MGAT4C: variants seen among roughly 807,000 people sequenced by gnomAD.
The protein encoded by MGAT4C is MGAT4 family member C.
In MGAT4C, 19 loss-of-function variants were observed where a neutral mutation model predicts 40.1. The observed-to-expected ratio is 0.47, with a 90% CI of 0.33 to 0.70. The LOEUF (loss-of-function observed/expected upper bound fraction) is 0.70. Ranked by LOEUF, MGAT4C falls within the 30% of genes least tolerant of loss-of-function variation. The pLI, the probability that MGAT4C is intolerant of heterozygous loss-of-function variation, is 0.02. For synonymous variants in MGAT4C, 181 were observed against 187.1 expected (o/e 0.97, Z 0.27); for missense variants, 491 against 563.2 (o/e 0.87, Z 1.30).
intron 2 of MGAT4C, among the ~76,000 whole-genome samples, chr12:86,439,623 C>G (rs997456521): frequency 6.6e-6 from 1 of 151,710 alleles, no homozygotes; most frequent in Non-Finnish European, 1.5e-5. Context: ...ACAACAACAA[C>G]AAAGATCAGA....
chr12:86,167,023 T>C (rs1886266387), intron 1 of MGAT4C, among the ~76,000 whole-genome samples: 2 of 152,190 alleles, frequency 1.3e-5, no homozygotes, highest in South Asian at 4.1e-4. Flanking sequence ...TTATCTCATA[T>C]ACTTTAGTTC....
At chr12:86,067,270 G>T (rs1284011030) in intron 1 of MGAT4C, among the ~76,000 whole-genome samples, 5 of 152,156 alleles carry the variant, frequency 3.3e-5, no homozygotes, top group Non-Finnish European at 5.9e-5. Context: ...AATGTTTATT[G>T]TGGCACTTTT....
At chr12:86,464,818 T>C (rs1006788156) in intron 2 of MGAT4C, among the ~76,000 whole-genome samples, 1 of 152,056 alleles carries the variant, frequency 6.6e-6, no homozygotes, top group African/African-American at 2.4e-5. Context: ...TATTGAATAC[T>C]AATATCATTT....
Position 86,325,883 on chromosome 12 carries a change from GAA to G in MGAT4C, c.-57+8180_-57+8181del, listed in dbSNP as rs66524535. Among the ~76,000 whole-genome samples the G allele has an allele frequency of 1.7e-4, 26 of 149,412 alleles. No homozygotes were observed. In the East Asian group the frequency reaches 2.4e-3, roughly 14 times the overall value. ...CAGACTGAGACCCTGTCTCCAAAAA[GAA>G]AAAAAAAAATAATAATGCTTGACAC... On this transcript the variant is annotated intron_variant, in intron 4 of 7. Transcript: ENST00000548651.
At chr12:86,828,139 T>C (rs570949512) in intron 1 of MGAT4C, among the ~76,000 whole-genome samples, 1 of 151,012 alleles carries the variant, frequency 6.6e-6, no homozygotes, top group Non-Finnish European at 1.5e-5. Context: ...AAATGTAAAA[T>C]CTGTTATGAA....
At chr12:86,823,463 A>C (rs1323690294) in intron 1 of MGAT4C, among the ~76,000 whole-genome samples, 1 of 151,268 alleles carries the variant, frequency 6.6e-6, no homozygotes, top group Admixed American at 6.6e-5. Flanking sequence ...TACGGAAAAA[A>C]AATTAACAGA....
At chr12:86,537,879 G>A (rs975348494) in intron 2 of MGAT4C, among the ~76,000 whole-genome samples, 2 of 152,052 alleles carry the variant, frequency 1.3e-5, no homozygotes, top group Non-Finnish European at 2.9e-5. Flanking sequence ...CTCAGCTCAG[G>A]AGTTCAAGAC....
At chr12:86,153,006 T>C (rs1884486349) in intron 1 of MGAT4C, among the ~76,000 whole-genome samples, 1 of 152,184 alleles carries the variant, frequency 6.6e-6, no homozygotes, top group African/African-American at 2.4e-5. Context: ...ACCCTGATCC[T>C]GATAGTACAA....
chr12:86,747,586 G>A (rs1157039873), intron 1 of MGAT4C, among the ~76,000 whole-genome samples: 1 of 151,494 alleles, frequency 6.6e-6, no homozygotes, highest in African/African-American at 2.4e-5. Flanking sequence ...TGTTAACAAA[G>A]GTTTTAGGGC....
chr12:86,280,300 C>T (rs7953196), intron 4 of MGAT4C, among the ~76,000 whole-genome samples: 98,083 of 151,740 alleles, frequency 0.65, 32,647 homozygotes, highest in South Asian at 0.78. Context: ...ATAATATTTG[C>T]TTCATATATC....
intron 3 of MGAT4C, among the ~76,000 whole-genome samples, chr12:86,390,388 T>C (rs995990330): frequency 1.3e-5 from 2 of 152,232 alleles, no homozygotes; most frequent in South Asian, 2.1e-4. Context: ...TCTAATATTT[T>C]GTATATCACT....
chr12:86,133,273 TAG>T (rs1881495814), intron 1 of MGAT4C, among the ~76,000 whole-genome samples: 1 of 152,208 alleles, frequency 6.6e-6, no homozygotes, highest in South Asian at 2.1e-4. Context: ...GTTTAGAGCG[TAG>T]AGAGTGGGAA....
intron 1 of MGAT4C, among the ~76,000 whole-genome samples, chr12:86,060,119 A>G (rs1012159612): frequency 6.6e-6 from 1 of 152,224 alleles, no homozygotes; most frequent in Non-Finnish European, 1.5e-5. Context: ...AAAAAAGTGA[A>G]GAACTTGGGG....
At chr12:86,785,899 G>A (rs1205170096) in intron 1 of MGAT4C, among the ~76,000 whole-genome samples, 1 of 151,822 alleles carries the variant, frequency 6.6e-6, no homozygotes, top group Non-Finnish European at 1.5e-5. Context: ...AATGTCCAAA[G>A]AAACATTCCA....
At chr12:86,455,941 T>C (rs1325828700) in intron 2 of MGAT4C, among the ~76,000 whole-genome samples, 1 of 152,074 alleles carries the variant, frequency 6.6e-6, no homozygotes, top group Non-Finnish European at 1.5e-5. Flanking sequence ...AATAGAGTAT[T>C]ACTTGAACTG....
intron 4 of MGAT4C, among the ~76,000 whole-genome samples, chr12:86,269,687 A>G (rs1317366410): frequency 6.6e-6 from 1 of 152,184 alleles, no homozygotes; most frequent in East Asian, 1.9e-4. Flanking sequence ...TAATGACCCT[A>G]ACTTCATGAA....
chr12:86,174,124 TACACACACACACAC>T (rs71445051), intron 1 of MGAT4C, among the ~76,000 whole-genome samples: 225 of 143,918 alleles, frequency 1.6e-3, no homozygotes, highest in African/African-American at 5.2e-3. Context: ...CACACACACA[TACACACACACACAC>T]ACACACACAC....
At chr12:86,826,696 T>C (rs1207018302) in intron 1 of MGAT4C, among the ~76,000 whole-genome samples, 1 of 151,312 alleles carries the variant, frequency 6.6e-6, no homozygotes, top group East Asian at 2.0e-4. Context: ...AGAGAGTTCA[T>C]GTACTTGAGT....
intron 1 of MGAT4C, among the ~76,000 whole-genome samples, chr12:86,131,767 C>T (rs915612259): frequency 1.3e-5 from 2 of 151,272 alleles, no homozygotes; most frequent in Non-Finnish European, 2.9e-5. Context: ...CTGCACAATA[C>T]AACCGTTAAG....
Sources: gnomAD v4.1 joint callset for allele counts (sites outside exome capture counted in the v4.1 genomes callset) on GRCh38, gnomAD v4.1.1 for gene constraint, MANE v1.5 for transcripts, NCBI Gene and HGNC (gene_info 2026-07-23, HGNC 2026-07-21) for gene names.